PTK7: variants seen among roughly 807,000 people sequenced by gnomAD.
PTK7 encodes the protein protein tyrosine kinase 7 (inactive).
In PTK7, 39 loss-of-function variants were observed where a neutral mutation model predicts 116.6. That is an observed-to-expected ratio of 0.33 (90% CI 0.26 to 0.44). The LOEUF is 0.44. PTK7 is among the 20% of genes least tolerant of loss of function. The probability of loss-of-function intolerance (pLI) is 1.00; values close to 1 mark genes in which losing one functional copy is unlikely to be tolerated. For synonymous variants in PTK7, 546 were observed against 563.6 expected, an observed-to-expected ratio of 0.97 and a Z score of 0.44; for missense variants, 1,169 against 1,425.6, an observed-to-expected ratio of 0.82 and a Z score of 2.90.
At chr6:43,114,270 CTCTG>C (rs1768365973) in intron 1 of PTK7, among the ~76,000 whole-genome samples, 1 of 152,192 alleles carries the variant, frequency 6.6e-6, no homozygotes, top group African/African-American at 2.4e-5. Flanking sequence ...CTCAGTTTCT[CTCTG>C]TCTGTGTCTC....
rs1299866734 is a variant in PTK7 at position 43,139,626 on chromosome 6, G to GGA, written c.1618+104_1618+105dup. The GGA allele has an allele frequency of 1.2e-4, 186 of 1,534,398 alleles. 1 individual carries two copies. The South Asian group carries it at 1.6e-3, about 13-fold the overall frequency. ...TGCCCCGCACTGTGCCAGGAAATGT[G>GGA]GAGATTAGACAAGCAGTGCAGGGCT... On this transcript the variant is annotated intron_variant, in intron 10 of 19. Transcript: ENST00000230419. This position sits in a 1 kb window ranked among gnomAD's most constrained non-coding sequence, Gnocchi z 4.6.
chr6:43,156,785 A>C (rs1771459776), intron 17 of PTK7, among the ~76,000 whole-genome samples: 1 of 152,012 alleles, frequency 6.6e-6, no homozygotes, highest in Admixed American at 6.6e-5. Flanking sequence ...AATCCCAGCT[A>C]CTTGGGAGGC....
chr6:43,095,583 G>C (rs1048591386), intron 1 of PTK7, among the ~76,000 whole-genome samples: 7 of 152,134 alleles, frequency 4.6e-5, no homozygotes, highest in Non-Finnish European at 8.8e-5. Flanking sequence ...AGAGTCCCAG[G>C]GGCTAGGAGA....
At chr6:43,157,364 A>ATATATATATATTTTTTTTTTT (rs70990168) in intron 17 of PTK7, among the ~76,000 whole-genome samples, 1 of 54,362 alleles carries the variant, frequency 1.8e-5, no homozygotes, top group Non-Finnish European at 3.3e-5. Context: ...ATATATATAT[A>ATATATATATATTTTTTTTTTT]TTTTTTTTTT....
intron 1 of PTK7, among the ~76,000 whole-genome samples, chr6:43,082,429 G>T (rs1766431307): frequency 6.6e-6 from 1 of 152,146 alleles, no homozygotes; most frequent in Admixed American, 6.5e-5. Flanking sequence ...GCCCACCTCA[G>T]CCTCCCAAAG....
At chr6:43,157,351 TA>T (rs1561990268) in intron 17 of PTK7, among the ~76,000 whole-genome samples, 1,285 of 12,232 alleles carry the variant, frequency 0.11, 205 homozygotes, top group East Asian at 0.2. Context: ...TATATATATA[TA>T]TATATATATA....
At chr6:43,086,571 T>TAA (rs368198827) in intron 1 of PTK7, among the ~76,000 whole-genome samples, 1 of 152,132 alleles carries the variant, frequency 6.6e-6, no homozygotes, top group Non-Finnish European at 1.5e-5. Flanking sequence ...CGCAGTGGCT[T>TAA]ACGCCTGTAA....
chr6:43,138,860 TG>T lies in PTK7; in HGVS notation c.1242del (p.Trp414CysfsTer2). The T allele has an allele frequency of 6.2e-7, 1 of 1,613,466 alleles. No homozygotes were observed. ...TCCTGTCTGTCTAGCTGTGCCCTCCTGGCTGAAGAAGCCCCAAGACAGCCAG... is the reference window on the plus strand; with the variant it reads ...TCCTGTCTGTCTAGCTGTGCCCTCCTGCTGAAGAAGCCCCAAGACAGCCAG... ...VNITVATVPS[W>X]LKKPQDSQLE... On this transcript the variant is annotated frameshift_variant, in exon 8 of 20. Transcript: ENST00000230419. LOFTEE classifies it high-confidence loss of function.
At chr6:43,108,456 G>A (rs1198378849) in intron 1 of PTK7, among the ~76,000 whole-genome samples, 2 of 148,356 alleles carry the variant, frequency 1.3e-5, no homozygotes, top group East Asian at 4.0e-4. Flanking sequence ...CTGGAGTGCA[G>A]TGGCACGAGC....
chr6:43,081,432 G>T (rs928330774), intron 1 of PTK7, among the ~76,000 whole-genome samples: 1 of 152,058 alleles, frequency 6.6e-6, no homozygotes, highest in Non-Finnish European at 1.5e-5. Context: ...TTGAAATGGA[G>T]TCTGCCTGTG....
rs545463239 is a variant in PTK7 at position 43,146,598 on chromosome 6, A to G, written c.2641-20A>G. On this transcript the variant is annotated intron_variant, in intron 16 of 19. Transcript: ENST00000230419. ...ATGGCTGTGCACTGACCTGAGCGAG[A>G]TGCCTGGCTTTTCCCTTAGGGAGAC... 1.9e-6 allele frequency: 3 copies of G among 1,609,824 alleles called. No individual in the cohort carries two copies. Among genetic ancestry groups the G allele is most frequent in the Admixed American group, 1.7e-5 (1 of 60,014 alleles).
At chr6:43,142,684 AG>A (rs1257738044) in intron 13 of PTK7, 3 of 346,688 alleles carry the variant, frequency 8.7e-6, no homozygotes, top group Non-Finnish European at 1.7e-5. Flanking sequence ...GTCAGGTAAA[AG>A]GCCCTGCACT....
At chr6:43,089,466 C>T (rs772195866) in intron 1 of PTK7, among the ~76,000 whole-genome samples, 14 of 152,118 alleles carry the variant, frequency 9.2e-5, no homozygotes, top group Admixed American at 6.6e-4. Flanking sequence ...TAATTTCCAG[C>T]CACCTGAAAA....
chr6:43,142,535 G>A, intron 13 of PTK7: 1 of 674,984 alleles, frequency 1.5e-6, no homozygotes, highest in Non-Finnish European at 2.6e-6. Flanking sequence ...GGGGAGTGGG[G>A]GGGTGTTCTC....
chr6:43,158,371 G>A lies in PTK7; in HGVS notation c.2722-446G>A, dbSNP rs578035158. 2.6e-5 allele frequency among the ~76,000 whole-genome samples: 4 copies of A among 152,266 alleles called. No homozygotes were observed. In the South Asian group the frequency reaches 8.3e-4, roughly 32 times the overall value. On this transcript the variant is annotated intron_variant, in intron 17 of 19. Coordinates refer to ENST00000230419, the MANE Select transcript of PTK7 (RefSeq NM_002821.5). The stretch of plus-strand genomic sequence containing the variant: ...AGTCCTAGCTACTTGGAAGGCTGAG[G>A]TGGGAGGATTGCTTGAGCCCAGGAG...
rs775500419 is a variant in PTK7 at position 43,143,326 on chromosome 6, G to A, written c.2048-91G>A. 15 of 1,303,204 alleles carry A rather than the reference G, an allele frequency of 1.2e-5. No individual in the cohort carries two copies. The highest frequency in any genetic ancestry group is 1.5e-5 in the Non-Finnish European group (14 of 932,832). The allele number at this position is 1,303,204 out of a possible 1,614,324, so 80.7% of individuals were successfully genotyped here. A position where few individuals can be genotyped will look rare whatever the true frequency, so the allele number is the denominator to read the frequency against. Reference sequence around the variant, plus strand: ...ACCCTCCCGGGCCATCTGTTAAGTTGCCCTGTTGATGGGGTTGGGAGGAGT... The same window carrying A: ...ACCCTCCCGGGCCATCTGTTAAGTTACCCTGTTGATGGGGTTGGGAGGAGT... On this transcript the variant is annotated intron_variant, in intron 13 of 19. Coordinates refer to ENST00000230419, the MANE Select transcript of PTK7 (RefSeq NM_002821.5). The surrounding 1 kb of genome is among the most constrained non-coding windows in gnomAD (Gnocchi z 4.2).
In PTK7 at chr6:43,161,134, A is replaced by G. The variant is rs760563846; in HGVS notation, c.*253A>G. On this transcript the variant is annotated 3_prime_UTR_variant, in exon 20 of 20. Transcript: ENST00000230419. ...AGTTTTCCCTGCCACCTCTTCCTCT[A>G]TCAGGGACAGTGTGGGTGCCACAGG... is the stretch of plus-strand genomic sequence containing the variant. The G allele has an allele frequency of 1.8e-4, 87 of 473,848 alleles. No individual in the cohort carries two copies. The highest frequency in any genetic ancestry group is 6.4e-4 in the African/African-American group (33 of 51,656). 29.4% of individuals were successfully genotyped at this position (473,848 alleles called of 1,614,324 possible). A position where few individuals can be genotyped will look rare whatever the true frequency, so the allele number is the denominator to read the frequency against.
chr6:43,120,029 A>G (rs2150414592), intron 1 of PTK7, among the ~76,000 whole-genome samples: 1 of 152,292 alleles, frequency 6.6e-6, no homozygotes, highest in African/African-American at 2.4e-5. Context: ...TTGTGTGTCT[A>G]TACTTAATGT....
intron 10 of PTK7, among the ~76,000 whole-genome samples, chr6:43,140,845 AT>A (rs958213959): frequency 4.9e-4 from 74 of 151,956 alleles, no homozygotes; most frequent in African/African-American, 1.4e-3. Context: ...ATTTATTTTT[AT>A]TTTTTTTGTA....
Sources: gnomAD v4.1 joint callset for allele counts (sites outside exome capture counted in the v4.1 genomes callset) on GRCh38, gnomAD v4.1.1 for gene constraint, Gnocchi (gnomAD v3.1) non-coding constraint, MANE v1.5 for transcripts, NCBI Gene and HGNC (gene_info 2026-07-23, HGNC 2026-07-21) for gene names.